The following YIPF1 variants were observed in gnomAD, a reference collection of about 807,000 sequenced individuals.
YIPF1 encodes the protein Yip1 domain family member 1, also known as protein YIPF1.
Under a neutral mutation model 37.0 loss-of-function variants are expected in YIPF1, and 22 were observed. The observed-to-expected ratio is 0.59, with a 90% confidence interval of 0.42 to 0.85. YIPF1 has a LOEUF of 0.85. Among genes scored for constraint, YIPF1 ranks in the 40% least tolerant of loss-of-function variants. YIPF1 has a pLI of 0.00. For synonymous variants in YIPF1, 128 were observed against 131.9 expected (o/e 0.97, Z 0.21); for missense variants, 355 against 373.1 (o/e 0.95, Z 0.40).
chr1:53,864,208 CG>C (rs1181854512), intron 9 of YIPF1, among the ~76,000 whole-genome samples: 2 of 152,136 alleles, frequency 1.3e-5, no homozygotes, highest in African/African-American at 2.4e-5. Context: ...AGAAGAGAGA[CG>C]GGAGATGCCA....
intron 9 of YIPF1, 69 bp from the exon 10 acceptor site, chr1:53,860,222 C>T (rs1569601746): frequency 6.9e-7 from 1 of 1,454,112 alleles, no homozygotes; most frequent in African/African-American, 1.4e-5. Context: ...TTTTTAGACT[C>T]CATGCTAACA....
At chr1:53,885,031 G>T (rs1213848926) in intron 3 of YIPF1, among the ~76,000 whole-genome samples, 1 of 152,220 alleles carries the variant, frequency 6.6e-6, no homozygotes, top group African/African-American at 2.4e-5. Flanking sequence ...GGTAGTTTAA[G>T]CAACATGAGG....
rs542285444 is a variant in YIPF1 at position 53,859,965 on chromosome 1, C to T, written c.*8+91G>A. 5 of 1,275,840 alleles carry T rather than the reference C, an allele frequency of 3.9e-6. No homozygotes were observed. In the East Asian group the frequency reaches 1.2e-4, roughly 31 times the overall value. 79.0% of individuals were successfully genotyped at this position (1,275,840 alleles called of 1,614,324 possible). The stretch of plus-strand genomic sequence containing the variant: ...TGTGCAGAAGGATGAAAGGGTCTGG[C>T]CCTCTGTGCTTAAAGCTAACACTAA... On this transcript the variant is annotated intron_variant, in intron 10 of 10. Coordinates refer to ENST00000072644, the MANE Select transcript of YIPF1 (RefSeq NM_018982.5).
At chr1:53,863,798 G>A (rs1452059542) in intron 9 of YIPF1, among the ~76,000 whole-genome samples, 1 of 152,090 alleles carries the variant, frequency 6.6e-6, no homozygotes, top group African/African-American at 2.4e-5. Flanking sequence ...GGAGTGCAGT[G>A]GCGCAATCTC....
In YIPF1 at chr1:53,878,712, C is replaced by A. The variant is rs769762329; in HGVS notation, c.206G>T (p.Gly69Val). The change falls in exon 5 of 11, where the codon GGA (glycine) becomes GTA (valine). Residue 69 changes from glycine to valine, a missense_variant. Gly to Val is a moderately radical substitution (Grantham distance 109). Coordinates refer to ENST00000072644, the MANE Select transcript of YIPF1 (RefSeq NM_018982.5). ...DDSDKTELLAGQKKSSPFWTF... is the reference protein window; with the variant it reads ...DDSDKTELLAVQKKSSPFWTF... ...CCAGAAGGGGGAGCTTTTCTTCTGT[C>A]CAGCAAGTAACTGTCAGAAATAAAA... 6.3e-7 allele frequency: 1 copy of A among 1,591,386 alleles called. No homozygotes were observed. Among genetic ancestry groups the A allele is most frequent in the Non-Finnish European group, 8.5e-7 (1 of 1,175,086 alleles).
intron 6 of YIPF1, among the ~76,000 whole-genome samples, chr1:53,874,798 T>C (rs1413527536): frequency 3.3e-5 from 5 of 152,128 alleles, no homozygotes; most frequent in Non-Finnish European, 7.4e-5. Context: ...AATGGTATCA[T>C]TCTATTCATA....
chr1:53,871,129 A>G (rs1234447875), intron 7 of YIPF1, among the ~76,000 whole-genome samples: 1 of 152,152 alleles, frequency 6.6e-6, no homozygotes, highest in African/African-American at 2.4e-5. Context: ...AATGCCATTG[A>G]ATTACACATT....
intron 7 of YIPF1, among the ~76,000 whole-genome samples, chr1:53,869,950 G>C (rs1236003189): frequency 7.1e-6 from 1 of 140,428 alleles, no homozygotes; most frequent in Admixed American, 7.5e-5. Flanking sequence ...TCGGCTCACT[G>C]CAACCTCCGC....
rs796093684 is a variant in YIPF1, at chr1:53,866,524, C to T, written c.649-142G>A. The T allele has an allele frequency of 1.0e-5, 10 of 990,450 alleles. No individual in the cohort carries two copies. The African/African-American group carries it at 1.6e-4, about 16-fold the overall frequency. The allele number at this position is 990,450 out of a possible 1,614,324, so 61.4% of individuals were successfully genotyped here. A position where few individuals can be genotyped will look rare whatever the true frequency, so the allele number is the denominator to read the frequency against. ...GGTTTTTCAGTACAGGCTGGAGGAA[C>T]ACCACCAGCATGTAGACTGAGGCAT... On this transcript the variant is annotated intron_variant, in intron 8 of 10. Coordinates refer to ENST00000072644, the MANE Select transcript of YIPF1 (RefSeq NM_018982.5).
At chr1:53,862,804 C>T (rs1217627736) in intron 9 of YIPF1, among the ~76,000 whole-genome samples, 3 of 152,122 alleles carry the variant, frequency 2.0e-5, no homozygotes, top group African/African-American at 4.8e-5. Flanking sequence ...ATCCTTGCAA[C>T]GTAAAGATGT....
intron 3 of YIPF1, among the ~76,000 whole-genome samples, chr1:53,885,897 T>C (rs1353263530): frequency 6.6e-6 from 1 of 151,570 alleles, no homozygotes; most frequent in Non-Finnish European, 1.5e-5. Flanking sequence ...CTTGAAGTGA[T>C]GGACACCCTG....
intron 3 of YIPF1, among the ~76,000 whole-genome samples, chr1:53,884,518 A>G (rs1395104908): frequency 6.6e-6 from 1 of 152,212 alleles, no homozygotes; most frequent in Non-Finnish European, 1.5e-5. Context: ...GTCTCTTAAA[A>G]TGATCACTTA....
At chr1:53,856,656 G>A (rs971844271) in intron 10 of YIPF1, among the ~76,000 whole-genome samples, 4 of 152,116 alleles carry the variant, frequency 2.6e-5, no homozygotes, top group Admixed American at 2.6e-4. Flanking sequence ...CTTCCCTCCA[G>A]GCCAACTCCA....
intron 6 of YIPF1, among the ~76,000 whole-genome samples, chr1:53,876,727 A>G (rs1342044656): frequency 6.6e-6 from 1 of 152,214 alleles, no homozygotes; most frequent in African/African-American, 2.4e-5. Context: ...CATCTATAAA[A>G]TGGGGATAAT....
At chr1:53,866,405 G>C in intron 8 of YIPF1, 23 bp from the exon 9 acceptor site, 1 of 1,609,408 alleles carries the variant, frequency 6.2e-7, no homozygotes, top group Non-Finnish European at 8.5e-7. Flanking sequence ...AAAAGGAGGA[G>C]CGGGGAGTTC....
At position 53,874,429 on chromosome 1, in the gene YIPF1, C is replaced by T. The variant is rs183313264; in HGVS notation, c.365-2941G>A. 2.1e-4 allele frequency among the ~76,000 whole-genome samples: 32 copies of T among 152,178 alleles called. No individual in the cohort carries two copies. The East Asian group carries it at 5.6e-3, about 27-fold the overall frequency. On this transcript the variant is annotated intron_variant, in intron 6 of 10. Coordinates refer to ENST00000072644, the MANE Select transcript of YIPF1 (RefSeq NM_018982.5). The stretch of plus-strand genomic sequence containing the variant: ...AATATTTCTAACATACAGAAAAGCA[C>T]GAAGAATAACACAAACACTGGTTAC...
chr1:53,871,177 G>C (rs1207922716), intron 7 of YIPF1, among the ~76,000 whole-genome samples, 195 bp downstream of exon 7: 2 of 152,088 alleles, frequency 1.3e-5, no homozygotes, highest in Non-Finnish European at 2.9e-5. Flanking sequence ...TTTTACCACT[G>C]TAAGAAGAAA....
intron 6 of YIPF1, among the ~76,000 whole-genome samples, chr1:53,873,701 A>G (rs1488839948): frequency 1.3e-5 from 2 of 150,788 alleles, no homozygotes; most frequent in Middle Eastern, 3.4e-3. Flanking sequence ...AAAAAAAAAA[A>G]GTGGGGGCGG....
At chr1:53,879,231 A>T (rs917190818) in intron 4 of YIPF1, among the ~76,000 whole-genome samples, 9 of 151,844 alleles carry the variant, frequency 5.9e-5, no homozygotes, top group African/African-American at 2.2e-4. Flanking sequence ...AGCAGCTGGG[A>T]CTACACGCGT....
Sources: allele counts gnomAD v4.1 joint callset (sites outside exome capture counted in the v4.1 genomes callset), GRCh38; gene constraint gnomAD v4.1.1; transcripts MANE v1.5; gene names NCBI Gene and HGNC (gene_info 2026-07-23, HGNC 2026-07-21).